Variants in ASIC2 observed in about 807,000 individuals in gnomAD.
ASIC2 encodes the protein acid sensing ion channel subunit 2, also known as acid-sensing ion channel 2.
A neutral mutation model predicts 57.3 loss-of-function variants in ASIC2; 25 were observed. The observed-to-expected ratio is 0.44, with a 90% CI of 0.32 to 0.61. The LOEUF (loss-of-function observed/expected upper bound fraction) is 0.61. ASIC2 is among the 20% of genes least tolerant of loss of function. The probability of loss-of-function intolerance (pLI) is 0.06; values close to 1 mark genes in which losing one functional copy is unlikely to be tolerated. For synonymous variants in ASIC2, 319 were observed against 307.5 expected (o/e 1.04, Z -0.39); for missense variants, 641 against 738.1 (o/e 0.87, Z 1.52).
chr17:33,351,597 C>A (rs1468730591), intron 1 of ASIC2, among the ~76,000 whole-genome samples: 1 of 152,202 alleles, frequency 6.6e-6, no homozygotes, highest in Non-Finnish European at 1.5e-5. Flanking sequence ...TCCTCTCACA[C>A]ATACTGTATT....
intron 1 of ASIC2, among the ~76,000 whole-genome samples, chr17:33,928,961 C>G (rs1224299490): frequency 6.6e-6 from 1 of 152,142 alleles, no homozygotes; most frequent in African/African-American, 2.4e-5. Context: ...GGCGCTCGTT[C>G]TTGGATTCTC....
intron 1 of ASIC2, among the ~76,000 whole-genome samples, chr17:33,406,075 C>A (rs1312170120): frequency 6.6e-6 from 1 of 152,166 alleles, no homozygotes; most frequent in Non-Finnish European, 1.5e-5. Flanking sequence ...TGCCTCCTGA[C>A]CCAACCTGGT....
intron 2 of ASIC2, among the ~76,000 whole-genome samples, chr17:33,110,777 G>T (rs558361020): frequency 1.3e-5 from 2 of 152,176 alleles, no homozygotes; most frequent in South Asian, 2.1e-4. Context: ...AAGGCACAGG[G>T]GTGGCAACAG....
intron 1 of ASIC2, among the ~76,000 whole-genome samples, chr17:33,222,737 C>G (rs1907729776): frequency 6.6e-6 from 1 of 152,138 alleles, no homozygotes; most frequent in Non-Finnish European, 1.5e-5. Context: ...GTAATCTAGT[C>G]AATATATTTA....
At chr17:33,871,225 G>T (rs1256005387) in intron 1 of ASIC2, among the ~76,000 whole-genome samples, 1 of 152,216 alleles carries the variant, frequency 6.6e-6, no homozygotes, top group Admixed American at 6.5e-5. Context: ...TGAGGCTGGG[G>T]CACTCAGAGA....
intron 1 of ASIC2, among the ~76,000 whole-genome samples, chr17:33,312,104 C>T (rs1359784277): frequency 2.0e-5 from 3 of 152,188 alleles, no homozygotes; most frequent in Non-Finnish European, 4.4e-5. Flanking sequence ...GTGAGCCATG[C>T]AATCTCTCCT....
At chr17:33,218,802 C>T (rs746974664) in intron 1 of ASIC2, among the ~76,000 whole-genome samples, 2 of 152,118 alleles carry the variant, frequency 1.3e-5, no homozygotes, top group Non-Finnish European at 2.9e-5. Context: ...TCTCTCTTCC[C>T]TCCTCACTCC....
chr17:33,496,617 T>G (rs1367221107), intron 1 of ASIC2, among the ~76,000 whole-genome samples: 4 of 131,718 alleles, frequency 3.0e-5, no homozygotes. Context: ...TTTTTTTTTT[T>G]TTTTTTTTTT....
chr17:33,874,557 C>A (rs1914505488), intron 1 of ASIC2, among the ~76,000 whole-genome samples: 1 of 152,252 alleles, frequency 6.6e-6, no homozygotes, highest in African/African-American at 2.4e-5. Context: ...AATGGCTTAA[C>A]CTCGTCTGGA....
chr17:33,539,756 G>C (rs1915348311), intron 1 of ASIC2, among the ~76,000 whole-genome samples: 1 of 152,184 alleles, frequency 6.6e-6, no homozygotes, highest in East Asian at 1.9e-4. Flanking sequence ...GCCAGGTGCT[G>C]ACCTTCGGGA....
chr17:33,585,146 AT>A, intron 1 of ASIC2, among the ~76,000 whole-genome samples: 1 of 152,090 alleles, frequency 6.6e-6, no homozygotes, highest in East Asian at 1.9e-4. Flanking sequence ...AGGGAAAATG[AT>A]TTGTTCAAAG....
chr17:34,015,190 C>A (rs187137892), intron 1 of ASIC2, among the ~76,000 whole-genome samples: 1 of 150,852 alleles, frequency 6.6e-6, no homozygotes. Context: ...ACTACAGGGA[C>A]GAGCAACTAT....
chr17:33,461,124 T>C (rs974678602), intron 1 of ASIC2, among the ~76,000 whole-genome samples: 12 of 152,194 alleles, frequency 7.9e-5, no homozygotes, highest in Non-Finnish European at 1.6e-4. Context: ...CCAACCCACT[T>C]CCACCTGCTC....
intron 1 of ASIC2, among the ~76,000 whole-genome samples, chr17:33,491,986 G>T (rs976933881): frequency 1.3e-5 from 2 of 152,094 alleles, no homozygotes; most frequent in Admixed American, 6.5e-5. Flanking sequence ...CGGCTTTTTG[G>T]ACATTTAAGG....
intron 1 of ASIC2, among the ~76,000 whole-genome samples, chr17:33,762,400 G>C (rs1165131481): frequency 6.6e-6 from 1 of 152,154 alleles, no homozygotes; most frequent in Non-Finnish European, 1.5e-5. Flanking sequence ...TTGTATTCTG[G>C]AAGCAGGCTG....
chr17:33,357,131 C>T (rs760125698), intron 1 of ASIC2, among the ~76,000 whole-genome samples: 5 of 20,016 alleles, frequency 2.5e-4, no homozygotes, highest in South Asian at 1.5e-3. Flanking sequence ...ATCTGGGGAC[C>T]GCACGTTGAG....
intron 1 of ASIC2, among the ~76,000 whole-genome samples, chr17:33,146,099 C>G (rs1904551322): frequency 6.6e-6 from 1 of 152,202 alleles, no homozygotes; most frequent in Non-Finnish European, 1.5e-5. Flanking sequence ...TCAATGGCCC[C>G]AGGCAGGTGC....
chr17:33,647,704 G>A (rs934043782), intron 1 of ASIC2, among the ~76,000 whole-genome samples: 1 of 152,242 alleles, frequency 6.6e-6, no homozygotes, highest in Non-Finnish European at 1.5e-5. Flanking sequence ...AAAGCCTAGA[G>A]AATGACAGAC....
upstream of ASIC2, among the ~76,000 whole-genome samples, chr17:33,294,011 G>A (rs927116967): frequency 1.6e-4 from 24 of 152,124 alleles, no homozygotes; most frequent in African/African-American, 5.8e-4. Flanking sequence ...CCTCCCCTCA[G>A]CCTCTTAGGG....
Sources: gnomAD v4.1 joint callset for allele counts (sites outside exome capture counted in the v4.1 genomes callset) on GRCh38, gnomAD v4.1.1 for gene constraint, MANE v1.5 for transcripts, NCBI Gene and HGNC (gene_info 2026-07-23, HGNC 2026-07-21) for gene names.